Variants in CCDC85A observed in about 807,000 individuals in gnomAD.
CCDC85A encodes the protein coiled-coil domain-containing protein 85A.
Under a neutral mutation model 50.2 loss-of-function variants are expected in CCDC85A, and 38 were observed. The observed-to-expected ratio is 0.76, with a 90% CI of 0.58 to 0.99. The LOEUF (loss-of-function observed/expected upper bound fraction) is 0.99, where lower values mean the gene tolerates loss of function less well. Ranked by LOEUF, CCDC85A falls within the 50% of genes least tolerant of loss-of-function variation. The pLI is 0.00. For missense variants in CCDC85A, 820 were observed against 742.0 expected, an observed-to-expected ratio of 1.11 and a Z score of -1.22; for synonymous variants, 366 against 301.4, an observed-to-expected ratio of 1.21 and a Z score of -2.22.
intron 2 of CCDC85A, among the ~76,000 whole-genome samples, chr2:56,211,427 T>C (rs1677174485): frequency 6.6e-6 from 1 of 152,078 alleles, no homozygotes; most frequent in Non-Finnish European, 1.5e-5. Context: ...CTGGGGAGTA[T>C]GGGCAAAGCC....
chr2:56,262,612 A>G (rs1277759413), intron 2 of CCDC85A, among the ~76,000 whole-genome samples: 4 of 152,186 alleles, frequency 2.6e-5, no homozygotes, highest in Non-Finnish European at 5.9e-5. Flanking sequence ...ACACATTGCT[A>G]GGTTTCATTA....
chr2:56,373,430 G>T (rs1676180822), intron 4 of CCDC85A, among the ~76,000 whole-genome samples: 1 of 151,640 alleles, frequency 6.6e-6, no homozygotes. Flanking sequence ...ACAGGACTTT[G>T]TTTACATTTA....
chr2:56,312,367 A>G (rs1316770524), intron 2 of CCDC85A, among the ~76,000 whole-genome samples: 1 of 152,084 alleles, frequency 6.6e-6, no homozygotes, highest in Non-Finnish European at 1.5e-5. Flanking sequence ...TTAATAATTA[A>G]ATGTTTAATG....
rs555282664 is a variant in CCDC85A at position 56,296,001 on chromosome 2, A to G, written c.1241-46878A>G. Among the ~76,000 whole-genome samples the G allele has an allele frequency of 2.0e-5, 3 of 152,336 alleles. No homozygotes were observed. In the East Asian group the frequency reaches 5.8e-4, roughly 29 times the overall value. On this transcript the variant is annotated intron_variant, in intron 2 of 5. Transcript: ENST00000407595. ...CATCTTTCTTACATATGCGATAAAG[A>G]GAAAGGAGGCAGGCAGCCCTGAAAA...
chr2:56,294,414 C>T (rs565081286), intron 2 of CCDC85A, among the ~76,000 whole-genome samples: 14 of 152,254 alleles, frequency 9.2e-5, no homozygotes, highest in South Asian at 8.3e-4. Context: ...CAAACCTGCG[C>T]GTCCTGCACA....
chr2:56,367,581 T>A (rs1469097369), intron 3 of CCDC85A, among the ~76,000 whole-genome samples: 1 of 152,160 alleles, frequency 6.6e-6, no homozygotes, highest in South Asian at 2.1e-4. Context: ...CAGTGCATTT[T>A]AAGATATTTG....
intron 2 of CCDC85A, among the ~76,000 whole-genome samples, chr2:56,281,447 G>A (rs1671203787): frequency 6.6e-6 from 1 of 152,070 alleles, no homozygotes. Flanking sequence ...CCTAGGAATA[G>A]AATTGCAAGT....
At chr2:56,366,589 A>T (rs954995073) in intron 3 of CCDC85A, among the ~76,000 whole-genome samples, 1 of 152,032 alleles carries the variant, frequency 6.6e-6, no homozygotes, top group East Asian at 1.9e-4. Flanking sequence ...TCATTTTTCA[A>T]TTGGGTTGTT....
intron 2 of CCDC85A, among the ~76,000 whole-genome samples, chr2:56,265,519 A>G (rs545114588): frequency 1.3e-5 from 2 of 152,334 alleles, no homozygotes; most frequent in Admixed American, 1.3e-4. Context: ...GAAGATATAC[A>G]GATGGCCAAC....
chr2:56,205,508 G>A (rs1186931732), intron 2 of CCDC85A, among the ~76,000 whole-genome samples: 1 of 152,144 alleles, frequency 6.6e-6, no homozygotes, highest in Non-Finnish European at 1.5e-5. Context: ...GCTAAATAAT[G>A]TCAGGGATAA....
intron 2 of CCDC85A, among the ~76,000 whole-genome samples, chr2:56,321,090 A>G (rs1479575347): frequency 3.9e-5 from 6 of 152,034 alleles, no homozygotes; most frequent in Admixed American, 3.3e-4. Flanking sequence ...AAATTCAACA[A>G]CCCTTCATGC....
Position 56,192,626 on chromosome 2 carries a change from C to T in CCDC85A, c.426C>T (p.Ala142=). ...CCGGGGTGATGCACAAGGAAGTGGC[C>T]TTATACCTGCAGAAGCTGAAAGACC... is the stretch of plus-strand genomic sequence containing the variant. ...YTAGVMHKEV[A]LYLQKLKDLE... is the part of the protein sequence containing the mutation. Residue 142 remains alanine, a synonymous_variant, in exon 2 of 6, where the codon GCC becomes GCT. Coordinates refer to ENST00000407595, the MANE Select transcript of CCDC85A (RefSeq NM_001080433.2). This position sits in a 1 kb window ranked among gnomAD's most constrained non-coding sequence, Gnocchi z 4.7. 2 of 1,613,864 alleles carry T rather than the reference C, an allele frequency of 1.2e-6. No homozygotes were observed. The highest frequency in any genetic ancestry group is 1.3e-5 in the African/African-American group (1 of 74,998).
chr2:56,313,021 C>A (rs1672764932), intron 2 of CCDC85A, among the ~76,000 whole-genome samples: 2 of 152,096 alleles, frequency 1.3e-5, no homozygotes, highest in African/African-American at 4.8e-5. Context: ...TTGGTTAGGT[C>A]TTAACATGCT....
At chr2:56,374,825 G>A (rs547154744) in intron 4 of CCDC85A, among the ~76,000 whole-genome samples, 83 of 152,244 alleles carry the variant, frequency 5.5e-4, no homozygotes, top group African/African-American at 1.4e-3. Context: ...CCAAACTACC[G>A]TTGTTTCTCT....
chr2:56,350,784 G>A (rs1674885161), intron 3 of CCDC85A, among the ~76,000 whole-genome samples: 1 of 146,396 alleles, frequency 6.8e-6, no homozygotes, highest in Admixed American at 6.8e-5. Flanking sequence ...CATGGACATA[G>A]CATAATTTAT....
chr2:56,285,091 TC>T (rs755586683), intron 2 of CCDC85A, among the ~76,000 whole-genome samples: 63 of 151,770 alleles, frequency 4.2e-4, no homozygotes, highest in Admixed American at 1.3e-3. Context: ...GACTTACCTT[TC>T]TTTTCTTTCT....
At chr2:56,315,893 A>G (rs1672899907) in intron 2 of CCDC85A, among the ~76,000 whole-genome samples, 1 of 152,114 alleles carries the variant, frequency 6.6e-6, no homozygotes, top group African/African-American at 2.4e-5. Context: ...GGCAGGCAGT[A>G]GGTGTATAGG....
chr2:56,220,669 G>A (rs891253822), intron 2 of CCDC85A, among the ~76,000 whole-genome samples: 1 of 152,004 alleles, frequency 6.6e-6, no homozygotes, highest in Non-Finnish European at 1.5e-5. Context: ...GTGAAATGAC[G>A]TTCCGGAAGA....
At chr2:56,342,199 T>C (rs68160486) in intron 2 of CCDC85A, among the ~76,000 whole-genome samples, 6,812 of 124,230 alleles carry the variant, frequency 0.055, 214 homozygotes, top group Middle Eastern at 0.077. Context: ...TCTAATACTT[T>C]TTTTTTTTTA....
Sources: gnomAD v4.1 joint callset for allele counts (sites outside exome capture counted in the v4.1 genomes callset) on GRCh38, gnomAD v4.1.1 for gene constraint, Gnocchi (gnomAD v3.1) non-coding constraint, MANE v1.5 for transcripts, NCBI Gene and HGNC (gene_info 2026-07-23, HGNC 2026-07-21) for gene names.